The following PHLPP1 variants were observed in gnomAD, a reference collection of about 807,000 sequenced individuals.
PHLPP1 encodes the protein PH domain and leucine rich repeat protein phosphatase 1.
PHLPP1 carries 42 observed loss-of-function variants against 117.2 expected under a neutral mutation model. The observed-to-expected ratio is 0.36, with a 90% confidence interval of 0.28 to 0.46. The LOEUF is 0.46. Ranked by LOEUF, PHLPP1 falls within the 20% of genes least tolerant of loss-of-function variation. The pLI is 1.00. For synonymous variants in PHLPP1, 1,042 were observed against 970.7 expected (o/e 1.07, Z -1.37); for missense variants, 2,084 against 2,241.9 (o/e 0.93, Z 1.42).
At chr18:62,721,040 A>C (rs750921491) in intron 1 of PHLPP1, among the ~76,000 whole-genome samples, 13 of 152,130 alleles carry the variant, frequency 8.5e-5, no homozygotes, top group African/African-American at 1.2e-4. Flanking sequence ...CCATGAATCG[A>C]TGCTAAATTA....
chr18:62,934,055 A>G (rs1013710127), intron 10 of PHLPP1, among the ~76,000 whole-genome samples: 11 of 152,210 alleles, frequency 7.2e-5, no homozygotes, highest in African/African-American at 1.2e-4. Context: ...CAGAATGACT[A>G]TTAAGTCAAA....
chr18:62,944,877 G>A (rs899165895), intron 11 of PHLPP1, among the ~76,000 whole-genome samples: 5 of 152,096 alleles, frequency 3.3e-5, no homozygotes, highest in African/African-American at 7.2e-5. Context: ...GGAGGAAAAG[G>A]GCATCCATTT....
chr18:62,822,844 A>G (rs1914506465), intron 1 of PHLPP1, among the ~76,000 whole-genome samples: 2 of 152,232 alleles, frequency 1.3e-5, no homozygotes, highest in South Asian at 4.1e-4. Flanking sequence ...TAATCAATAA[A>G]TTGACCTATA....
In PHLPP1 at chr18:62,784,869, A is replaced by G. The variant is rs149302907; in HGVS notation, c.1577-45166A>G. On this transcript the variant is annotated intron_variant, in intron 1 of 16. Coordinates refer to ENST00000262719, the MANE Select transcript of PHLPP1 (RefSeq NM_194449.4). ...AATTGAAGCATGGTCTGTTCAGGGC[A>G]AAATGAGTCATAAAATCAGAAGATA... Among the ~76,000 whole-genome samples the G allele has an allele frequency of 1.1e-3, 165 of 152,362 alleles. 2 individuals are homozygous for G. Among genetic ancestry groups the G allele is most frequent in the African/African-American group, 3.8e-3 (157 of 41,584 alleles).
intron 10 of PHLPP1, among the ~76,000 whole-genome samples, chr18:62,931,878 G>GAAAAAAA (rs61550621): frequency 2.6e-5 from 2 of 76,472 alleles, no homozygotes; most frequent in Non-Finnish European, 4.6e-5. Context: ...CTGGGCGACA[G>GAAAAAAA]AAAAAAAAAA....
At chr18:62,913,498 ATATCT>A (rs1917014226) in intron 8 of PHLPP1, among the ~76,000 whole-genome samples, 2 of 152,168 alleles carry the variant, frequency 1.3e-5, no homozygotes, top group Non-Finnish European at 2.9e-5. Flanking sequence ...TTTTGCTGTA[ATATCT>A]TATAATTCTT....
intron 4 of PHLPP1, among the ~76,000 whole-genome samples, chr18:62,878,417 G>T (rs1276831993): frequency 6.6e-6 from 1 of 152,136 alleles, no homozygotes; most frequent in East Asian, 1.9e-4. Context: ...TCTAATTCTG[G>T]AGCTCATTCA....
chr18:62,845,030 A>G (rs1188724500), intron 3 of PHLPP1, among the ~76,000 whole-genome samples: 8 of 152,146 alleles, frequency 5.3e-5, no homozygotes, highest in Admixed American at 5.2e-4. Flanking sequence ...TATCTTCAAC[A>G]TTGTCCCAGT....
intron 9 of PHLPP1, 56 bp downstream of exon 9, chr18:62,915,064 T>G (rs1909226010): frequency 1.5e-6 from 2 of 1,298,854 alleles, no homozygotes. Context: ...ATTTTAAAAA[T>G]TGCTGATTCA....
intron 14 of PHLPP1, among the ~76,000 whole-genome samples, chr18:62,963,715 CATT>C (rs1345085489): frequency 6.6e-6 from 1 of 152,204 alleles, no homozygotes; most frequent in Non-Finnish European, 1.5e-5. Flanking sequence ...GTAACTGACA[CATT>C]ATATCTATGT....
chr18:62,934,060 G>A (rs1909898229), intron 10 of PHLPP1, among the ~76,000 whole-genome samples: 1 of 151,976 alleles, frequency 6.6e-6, no homozygotes, highest in Non-Finnish European at 1.5e-5. Context: ...TGACTATTAA[G>A]TCAAAATATA....
chr18:62,761,204 A>G (rs1048675652), intron 1 of PHLPP1, among the ~76,000 whole-genome samples: 2 of 151,992 alleles, frequency 1.3e-5, no homozygotes, highest in African/African-American at 4.8e-5. Context: ...ATATGTGCAG[A>G]CTCTCTGGAG....
chr18:62,760,915 A>C (rs1333512600), intron 1 of PHLPP1, among the ~76,000 whole-genome samples: 2 of 152,262 alleles, frequency 1.3e-5, no homozygotes, highest in African/African-American at 4.8e-5. Context: ...GCGGGAGTGC[A>C]GTGGCACAGT....
Position 62,914,997 on chromosome 18 carries a change from A to G in PHLPP1, c.2793A>G (p.Glu931=), listed in dbSNP as rs1231786484. 4.3e-6 allele frequency: 7 copies of G among 1,611,800 alleles called. No homozygotes were observed. Among genetic ancestry groups the G allele is most frequent in the Non-Finnish European group, 5.9e-6 (7 of 1,178,248 alleles). ...VLDIGHNQIC[E]LPARLFCNSS... ...ATATTGGCCATAATCAAATATGTGA[A>G]CTTCCTGCCCGGTGAGTATTACAGA... Residue 931 remains glutamate (E), a synonymous_variant, in exon 9 of 17, where the codon GAA becomes GAG. Transcript: ENST00000262719.
chr18:62,976,169 A>G (rs991347610), intron 16 of PHLPP1, among the ~76,000 whole-genome samples: 1 of 152,190 alleles, frequency 6.6e-6, no homozygotes, highest in Non-Finnish European at 1.5e-5. Flanking sequence ...TTGCTTCCCC[A>G]CAAGACATTT....
At chr18:62,874,792 C>T (rs1282322413) in intron 4 of PHLPP1, among the ~76,000 whole-genome samples, 2 of 152,178 alleles carry the variant, frequency 1.3e-5, no homozygotes, top group African/African-American at 2.4e-5. Context: ...GTGAGTACCC[C>T]AAGAAAACCA....
At chr18:62,931,122 G>A (rs565605105) in intron 10 of PHLPP1, among the ~76,000 whole-genome samples, 1 of 151,846 alleles carries the variant, frequency 6.6e-6, no homozygotes, top group Non-Finnish European at 1.5e-5. Flanking sequence ...GCTTGAACCC[G>A]GGAGGCAGAG....
intron 1 of PHLPP1, among the ~76,000 whole-genome samples, chr18:62,808,547 G>GTTTTT (rs1555673585): frequency 1.4e-5 from 2 of 142,394 alleles, no homozygotes; most frequent in South Asian, 2.3e-4. Flanking sequence ...TCATCTCTCT[G>GTTTTT]TTTTTTTTTG....
At chr18:62,882,495 G>A (rs1336344611) in intron 4 of PHLPP1, among the ~76,000 whole-genome samples, 2 of 151,944 alleles carry the variant, frequency 1.3e-5, no homozygotes, top group East Asian at 1.9e-4. Flanking sequence ...TCCTGACCTC[G>A]TGATCTGCCT....
Sources: allele counts gnomAD v4.1 joint callset (sites outside exome capture counted in the v4.1 genomes callset), GRCh38; gene constraint gnomAD v4.1.1; transcripts MANE v1.5; gene names NCBI Gene and HGNC (gene_info 2026-07-23, HGNC 2026-07-21).